Variants in PDZD2 observed in about 807,000 individuals in gnomAD.
PDZD2 encodes the protein PDZ domain containing 2.
A neutral mutation model predicts 220.7 loss-of-function variants in PDZD2; 90 were observed. That is an observed-to-expected ratio of 0.41 (90% confidence interval 0.34 to 0.49). The LOEUF is 0.49. Ranked by LOEUF, PDZD2 falls within the 20% of genes least tolerant of loss-of-function variation. The pLI is 0.28. For missense variants in PDZD2, 3,174 were observed against 3,608.5 expected, an observed-to-expected ratio of 0.88 and a Z score of 3.08; for synonymous variants, 1,375 against 1,450.5, an observed-to-expected ratio of 0.95 and a Z score of 1.18.
At chr5:32,004,916 C>T (rs1752682494) in intron 5 of PDZD2, among the ~76,000 whole-genome samples, 1 of 152,202 alleles carries the variant, frequency 6.6e-6, no homozygotes, top group Non-Finnish European at 1.5e-5. Flanking sequence ...CTGTACTGAG[C>T]TGTGGTGCTG....
intron 6 of PDZD2, among the ~76,000 whole-genome samples, chr5:32,024,075 T>C (rs1423778214): frequency 6.6e-6 from 1 of 152,172 alleles, no homozygotes; most frequent in Non-Finnish European, 1.5e-5. Flanking sequence ...CAAGCAGTTG[T>C]ATTCTGCTTC....
intron 2 of PDZD2, among the ~76,000 whole-genome samples, chr5:31,887,009 T>C (rs770113920): frequency 2.0e-5 from 3 of 152,170 alleles, no homozygotes; most frequent in Non-Finnish European, 4.4e-5. Flanking sequence ...TCTGTACTTA[T>C]CTCTTGAATG....
chr5:31,690,109 A>C (rs551188166), intron 1 of PDZD2, among the ~76,000 whole-genome samples: 5 of 151,968 alleles, frequency 3.3e-5, no homozygotes, highest in East Asian at 3.9e-4. Context: ...AGCAAGATCA[A>C]CTCCTATGTG....
chr5:31,971,544 A>G (rs1486211317), intron 2 of PDZD2, among the ~76,000 whole-genome samples: 1 of 152,220 alleles, frequency 6.6e-6, no homozygotes, highest in Admixed American at 6.5e-5. Context: ...TCCCATATCC[A>G]ATCAAAAAGC....
intron 2 of PDZD2, among the ~76,000 whole-genome samples, chr5:31,981,364 AAT>A (rs1319259954): frequency 6.6e-6 from 1 of 152,114 alleles, no homozygotes; most frequent in Non-Finnish European, 1.5e-5. Context: ...AGGTATGGGG[AAT>A]ATATGCCTTT....
Position 31,734,581 on chromosome 5 carries a change from A to C in PDZD2, c.-360-64308A>C, listed in dbSNP as rs370633382. ...TGATCCACCCACCTCAGCCTCCCAA[A>C]GTGCTGGGATTACAGGCATGAACCA... On this transcript the variant is annotated intron_variant, in intron 1 of 24. Coordinates refer to ENST00000438447, the MANE Select transcript of PDZD2 (RefSeq NM_178140.4). Among the ~76,000 whole-genome samples the C allele has an allele frequency of 4.6e-5, 7 of 152,218 alleles. No individual in the cohort carries two copies. The East Asian group carries it at 1.4e-3, about 29-fold the overall frequency.
chr5:31,748,710 G>T (rs566501189), intron 1 of PDZD2, among the ~76,000 whole-genome samples: 9 of 152,246 alleles, frequency 5.9e-5, no homozygotes, highest in Non-Finnish European at 1.3e-4. Context: ...TTTGCTGCTT[G>T]TCAGCAGCTC....
At chr5:31,745,217 T>C (rs1750522135) in intron 1 of PDZD2, among the ~76,000 whole-genome samples, 1 of 152,166 alleles carries the variant, frequency 6.6e-6, no homozygotes, top group Non-Finnish European at 1.5e-5. Context: ...TAAAGAAATT[T>C]GTGTTTATTG....
intron 2 of PDZD2, among the ~76,000 whole-genome samples, chr5:31,805,698 C>T (rs1436096211): frequency 6.6e-6 from 1 of 152,102 alleles, no homozygotes; most frequent in Non-Finnish European, 1.5e-5. Flanking sequence ...TTATGTCCCC[C>T]CAAAATTCAT....
rs896745372 is a variant in PDZD2 at position 31,955,082 on chromosome 5, G to C, written c.477-28073G>C. On this transcript the variant is annotated intron_variant, in intron 2 of 24. Transcript: ENST00000438447. ...ACGTCTAGAGAGGACCTGTCTCTAG[G>C]AGCTGGGAAGAAATGGACCAAGGAG... Among the ~76,000 whole-genome samples, 6 of 152,298 alleles carry C rather than the reference G, an allele frequency of 3.9e-5. No individual in the cohort carries two copies. The South Asian group carries it at 1.0e-3, about 26-fold the overall frequency.
At chr5:32,070,064 G>C (rs996791548) in intron 15 of PDZD2, among the ~76,000 whole-genome samples, 1 of 152,076 alleles carries the variant, frequency 6.6e-6, no homozygotes, top group Non-Finnish European at 1.5e-5. Flanking sequence ...GGGTAATAGA[G>C]GTAGCAAAAA....
chr5:31,982,972 T>C (rs1416546713), intron 2 of PDZD2, among the ~76,000 whole-genome samples, 183 bp from the exon 3 acceptor site: 1 of 152,190 alleles, frequency 6.6e-6, no homozygotes, highest in Non-Finnish European at 1.5e-5. Context: ...GGGGTAATTG[T>C]TTGTATCAAT....
chr5:32,027,609 C>T (rs1754773441), intron 6 of PDZD2, among the ~76,000 whole-genome samples: 1 of 152,204 alleles, frequency 6.6e-6, no homozygotes, highest in South Asian at 2.1e-4. Context: ...TGTACCAGAG[C>T]ACGCCCAGGG....
chr5:31,721,353 C>T (rs960532459), intron 1 of PDZD2, among the ~76,000 whole-genome samples: 2 of 152,110 alleles, frequency 1.3e-5, no homozygotes, highest in Non-Finnish European at 2.9e-5. Context: ...CAGGCCCTCC[C>T]CTCATAGGGC....
chr5:31,641,054 TATG>T (rs1359564889), intron 1 of PDZD2, among the ~76,000 whole-genome samples: 1 of 152,210 alleles, frequency 6.6e-6, no homozygotes, highest in South Asian at 2.1e-4. Flanking sequence ...TAAGGAAACT[TATG>T]ATAATTTCTC....
chr5:31,811,991 A>AAAAT (rs369835690), intron 2 of PDZD2, among the ~76,000 whole-genome samples: 28,684 of 138,632 alleles, frequency 0.21, 3,334 homozygotes, highest in East Asian at 0.5. Context: ...CTCTGTCTCA[A>AAAAT]AAATAAATAA....
intron 2 of PDZD2, among the ~76,000 whole-genome samples, chr5:31,897,056 T>C (rs987670160): frequency 6.6e-6 from 1 of 151,694 alleles, no homozygotes; most frequent in Admixed American, 6.6e-5. Context: ...GATCTCTGGA[T>C]GTAGGGTGGG....
intron 1 of PDZD2, among the ~76,000 whole-genome samples, chr5:31,653,396 A>G (rs1745424101): frequency 6.6e-6 from 1 of 151,750 alleles, no homozygotes; most frequent in Non-Finnish European, 1.5e-5. Context: ...TCAGATTGGC[A>G]CGTCTGGGTG....
chr5:31,746,662 A>G (rs182753328), intron 1 of PDZD2, among the ~76,000 whole-genome samples: 18 of 152,260 alleles, frequency 1.2e-4, no homozygotes, highest in Admixed American at 1.1e-3. Flanking sequence ...ATAATCCTCA[A>G]ATGGAAAGGT....
Sources: gnomAD v4.1 joint callset for allele counts (sites outside exome capture counted in the v4.1 genomes callset) on GRCh38, gnomAD v4.1.1 for gene constraint, MANE v1.5 for transcripts, NCBI Gene and HGNC (gene_info 2026-07-23, HGNC 2026-07-21) for gene names.